Variants in PCBP2 observed in about 807,000 individuals in gnomAD.
PCBP2 encodes poly(rC) binding protein 2, also known as poly(rC)-binding protein 2.
A neutral mutation model predicts 50.1 loss-of-function variants in PCBP2; 4 were observed. The ratio of observed to expected loss-of-function variants is 0.08; its 90% CI spans 0.04 to 0.18. The LOEUF (loss-of-function observed/expected upper bound fraction) is 0.18, where lower values mean the gene tolerates loss of function less well. PCBP2 is among the 10% of genes least tolerant of loss of function. PCBP2 has a pLI of 1.00. For synonymous variants in PCBP2, 179 were observed against 168.0 expected (o/e 1.07, Z -0.51); for missense variants, 161 against 474.3 (o/e 0.34, Z 6.14).
rs77953265 is a variant in PCBP2, at chr12:53,472,911, A to G, written c.1052+1104A>G. 2.0e-3 allele frequency among the ~76,000 whole-genome samples: 299 copies of G among 152,238 alleles called. 2 individuals are homozygous for G. Among genetic ancestry groups the G allele is most frequent in the African/African-American group, 6.9e-3 (286 of 41,528 alleles). On this transcript the variant is annotated intron_variant, in intron 14 of 14. Transcript: ENST00000546463. ...TTCTTGTCCACCCACCAAGCACACT[A>G]GGTCCTTAATGTTGAGAATGAAATG...
chr12:53,454,430 G>A (rs1166350083), intron 1 of PCBP2: 7 of 186,382 alleles, frequency 3.8e-5, no homozygotes. Flanking sequence ...AGGACAAGTG[G>A]TGCACGTTCA....
chr12:53,469,226 C>T (rs748709398), intron 13 of PCBP2, among the ~76,000 whole-genome samples: 4 of 152,090 alleles, frequency 2.6e-5, no homozygotes, highest in African/African-American at 4.8e-5. Context: ...CTTTTAAGCC[C>T]TAGGGAAAGA....
At chr12:53,471,453 C>T (rs918912265) in intron 13 of PCBP2, among the ~76,000 whole-genome samples, 185 bp from the exon 14 acceptor site, 11 of 150,792 alleles carry the variant, frequency 7.3e-5, no homozygotes, top group Non-Finnish European at 1.3e-4. Flanking sequence ...TGGCATGCGC[C>T]TGTAGTCCTG....
intron 1 of PCBP2, chr12:53,453,021 A>G (rs1940691455): frequency 6.6e-6 from 1 of 151,990 alleles, no homozygotes; most frequent in African/African-American, 2.4e-5. Context: ...GTAATCCCAG[A>G]CCGAGCTATT....
chr12:53,476,438 T>C (rs1942585674), intron 14 of PCBP2, among the ~76,000 whole-genome samples: 1 of 152,206 alleles, frequency 6.6e-6, no homozygotes. Flanking sequence ...CCTGAAATCT[T>C]GTTCATTTTC....
At chr12:53,473,421 A>AAGTTTTC (rs1379707635) in intron 14 of PCBP2, among the ~76,000 whole-genome samples, 2 of 152,188 alleles carry the variant, frequency 1.3e-5, no homozygotes, top group Non-Finnish European at 2.9e-5. Flanking sequence ...GGAGGGCAAG[A>AAGTTTTC]AGTTTTCAGT....
chr12:53,463,355 T>G (rs1941586490), intron 8 of PCBP2, among the ~76,000 whole-genome samples: 1 of 152,162 alleles, frequency 6.6e-6, no homozygotes. Context: ...AGTAGGTAGA[T>G]CAGGTTTTAA....
At chr12:53,466,124 G>A in intron 10 of PCBP2, 151 bp downstream of exon 10, 1 of 718,578 alleles carries the variant, frequency 1.4e-6, no homozygotes, top group Admixed American at 2.2e-5. Flanking sequence ...CCATATTTTA[G>A]CCCTTTAATC....
chr12:53,479,106 C>T (rs1313930211), intron 14 of PCBP2, among the ~76,000 whole-genome samples: 1 of 152,138 alleles, frequency 6.6e-6, no homozygotes, highest in Non-Finnish European at 1.5e-5. Context: ...TTAGAGGGGC[C>T]TGTTTCCAGA....
chr12:53,462,712 G>A, intron 8 of PCBP2, 145 bp downstream of exon 8: 2 of 600,504 alleles, frequency 3.3e-6, no homozygotes, highest in Admixed American at 3.3e-5. Context: ...TTTTATTTTT[G>A]TACTGGAGAA....
chr12:53,467,950 C>A, intron 12 of PCBP2, 107 bp downstream of exon 12: 1 of 905,680 alleles, frequency 1.1e-6, no homozygotes, highest in Non-Finnish European at 1.8e-6. Context: ...ATGCACATGG[C>A]AGAGAGGAGC....
Position 53,465,918 on chromosome 12 carries a change from T to C in PCBP2, c.673-14T>C. The C allele has an allele frequency of 1.2e-6, 2 of 1,610,176 alleles. No homozygotes were observed. Among genetic ancestry groups the C allele is most frequent in the Non-Finnish European group, 1.7e-6 (2 of 1,176,882 alleles). Reference sequence around the variant, plus strand: ...GATTGGTTTTTAATAGGAACTGTTTTCCTCCTTTTGTAGGCCTATACCATT... The same window carrying C: ...GATTGGTTTTTAATAGGAACTGTTTCCCTCCTTTTGTAGGCCTATACCATT... On this transcript the variant is annotated splice_polypyrimidine_tract_variant and intron_variant, in intron 9 of 14. Transcript: ENST00000546463.
intron 8 of PCBP2, among the ~76,000 whole-genome samples, chr12:53,463,825 A>G (rs1261027128): frequency 1.3e-5 from 2 of 152,230 alleles, no homozygotes; most frequent in African/African-American, 4.8e-5. Context: ...AACTAGTTCC[A>G]TCTTACCTGC....
intron 14 of PCBP2, chr12:53,475,685 T>C (rs763827445): frequency 2.0e-5 from 3 of 152,546 alleles, no homozygotes; most frequent in Non-Finnish European, 4.4e-5. Flanking sequence ...GGGTAAAGGG[T>C]TGGGGGCTTG....
At position 53,464,819 on chromosome 12, in the gene PCBP2, C is replaced by T. The variant is rs11556932; in HGVS notation, c.639C>T (p.Cys213=). Residue 213 remains cysteine, a synonymous_variant, in exon 9 of 15, where the codon TGC becomes TGT. Coordinates refer to ENST00000546463, the MANE Select transcript of PCBP2 (RefSeq NM_031989.5). ...TTCCCCACACCACCCCGTCCATGTG[C>T]CTCAACCCTGACCTGGAGGGACCAC... ...ASFPHTTPSM[C]LNPDLEGPPL... 1 of 1,612,230 alleles carries T rather than the reference C, an allele frequency of 6.2e-7. No individual in the cohort carries two copies. The highest frequency in any genetic ancestry group is 8.5e-7 in the Non-Finnish European group (1 of 1,179,230).
At chr12:53,479,114 A>G (rs1316559435) in intron 14 of PCBP2, among the ~76,000 whole-genome samples, 1 of 152,174 alleles carries the variant, frequency 6.6e-6, no homozygotes, top group African/African-American at 2.4e-5. Flanking sequence ...GCCTGTTTCC[A>G]GAAAGTACAC....
chr12:53,461,525 T>C lies in PCBP2; in HGVS notation c.504+382T>C, dbSNP rs1051168588. Among the ~76,000 whole-genome samples, 12 of 152,202 alleles carry C rather than the reference T, an allele frequency of 7.9e-5. 1 individual carries two copies. The highest frequency in any genetic ancestry group is 7.9e-4 in the Admixed American group (12 of 15,278). ...CATGTTCTTTAACAACTTGTCACTT[T>C]GTAGGAGGGTATTCAAAGTGTTACA... On this transcript the variant is annotated intron_variant, in intron 7 of 14. Transcript: ENST00000546463.
chr12:53,468,037 G>A, intron 12 of PCBP2, 194 bp downstream of exon 12: 1 of 589,298 alleles, frequency 1.7e-6, no homozygotes, highest in Non-Finnish European at 3.0e-6. Flanking sequence ...TAAAAATGAT[G>A]AGACAGCAGC....
At chr12:53,459,609 G>A (rs1376753867) in intron 6 of PCBP2, among the ~76,000 whole-genome samples, 1 of 152,060 alleles carries the variant, frequency 6.6e-6, no homozygotes, top group Non-Finnish European at 1.5e-5. Context: ...CAGAACATGA[G>A]AATGTTAATC....
Sources: allele counts gnomAD v4.1 joint callset (sites outside exome capture counted in the v4.1 genomes callset), GRCh38; gene constraint gnomAD v4.1.1; transcripts MANE v1.5; gene names NCBI Gene and HGNC (gene_info 2026-07-23, HGNC 2026-07-21).